Variants in UBXN11 observed in about 807,000 individuals in gnomAD.
The protein encoded by UBXN11 is UBX domain protein 11, also known as UBX domain-containing protein 11.
Under a neutral mutation model 62.8 loss-of-function variants are expected in UBXN11, and 47 were observed. The ratio of observed to expected loss-of-function variants is 0.75; its 90% CI spans 0.59 to 0.95. UBXN11 has a LOEUF of 0.95. Ranked by LOEUF, UBXN11 falls within the 40% of genes least tolerant of loss-of-function variation. The pLI is 0.00. For missense variants in UBXN11, 638 were observed against 661.7 expected, an observed-to-expected ratio of 0.96 and a Z score of 0.39; for synonymous variants, 294 against 267.0, an observed-to-expected ratio of 1.10 and a Z score of -0.99.
intron 1 of UBXN11, among the ~76,000 whole-genome samples, chr1:26,317,307 C>A (rs1411566847): frequency 6.6e-6 from 1 of 152,120 alleles, no homozygotes; most frequent in Non-Finnish European, 1.5e-5. Flanking sequence ...TTTCAGTCTT[C>A]CCAGTTCCTT....
chr1:26,292,679 C>T (rs1036349403), intron 8 of UBXN11, among the ~76,000 whole-genome samples: 4 of 151,892 alleles, frequency 2.6e-5, no homozygotes, highest in African/African-American at 7.3e-5. Flanking sequence ...CATGGCGAAA[C>T]GCTGTCTCTA....
Position 26,300,997 on chromosome 1 carries a change from C to A in UBXN11, c.128G>T (p.Gly43Val). The change falls in exon 4 of 15, where the codon GGG (glycine) becomes GTG (valine). Residue 43 changes from glycine to valine, a missense_variant. Gly to Val is a moderately radical substitution (Grantham distance 109). Transcript: ENST00000374222. ...DEDEVDMLSD[G>V]CGSEEKISVP... ...TGAGATCTTTTCTTCTGAGCCACAC[C>A]CATCACTCAACATGTCCACCTCATC... is the stretch of plus-strand genomic sequence containing the variant. 6.2e-7 allele frequency: 1 copy of A among 1,614,208 alleles called. No individual in the cohort carries two copies. The highest frequency in any genetic ancestry group is 2.2e-5 in the East Asian group (1 of 44,884).
intron 4 of UBXN11, among the ~76,000 whole-genome samples, chr1:26,300,308 G>A (rs1021478939): frequency 3.3e-5 from 5 of 152,180 alleles, no homozygotes; most frequent in Non-Finnish European, 7.4e-5. Flanking sequence ...ACTTCACAGA[G>A]GAGGCCTCAG....
At chr1:26,288,574 G>C (rs1292302822) in intron 8 of UBXN11, among the ~76,000 whole-genome samples, 1 of 152,218 alleles carries the variant, frequency 6.6e-6, no homozygotes, top group Non-Finnish European at 1.5e-5. Context: ...ACCCGTGGAT[G>C]GAGAGAGGTG....
intron 8 of UBXN11, among the ~76,000 whole-genome samples, chr1:26,289,852 CAA>C (rs2073218096): frequency 6.6e-6 from 1 of 152,208 alleles, no homozygotes; most frequent in Non-Finnish European, 1.5e-5. Flanking sequence ...GACCCTCAGG[CAA>C]AGACGGCTGC....
rs1163207554 is a variant in UBXN11, at chr1:26,293,724, C to CAAAAAAAAA, written c.559+472_559+480dup. 1.1e-3 allele frequency among the ~76,000 whole-genome samples: 30 copies of CAAAAAAAAA among 26,934 alleles called. 5 individuals are homozygous for CAAAAAAAAA. Among genetic ancestry groups the CAAAAAAAAA allele is most frequent in the Non-Finnish European group, 1.4e-3 (23 of 16,790 alleles). The allele number at this position is 26,934 out of a possible 152,430, so 17.7% of individuals were successfully genotyped here. ...TGGGTGACAGAGCAAGACTCCGTCTCAAAAAAAAAAAAAAAAAAAAAAAAA... is the reference window on the plus strand; with the variant it reads ...TGGGTGACAGAGCAAGACTCCGTCTCAAAAAAAAAAAAAAAAAAAAAAAAAAAAAAAAAA... On this transcript the variant is annotated intron_variant, in intron 8 of 14. Coordinates refer to ENST00000374222, the MANE Select transcript of UBXN11 (RefSeq NM_001389556.1).
At position 26,294,248 on chromosome 1, in the gene UBXN11, A is replaced by G. The variant is rs942792515; in HGVS notation, c.516T>C (p.His172=). The G allele has an allele frequency of 1.9e-6, 3 of 1,614,052 alleles. No homozygotes were observed. Among genetic ancestry groups the G allele is most frequent in the African/African-American group, 2.7e-5 (2 of 74,944 alleles). The change falls in exon 8 of 15, where the codon CAT becomes CAC. Residue 172 remains histidine (H), a synonymous_variant. Coordinates refer to ENST00000374222, the MANE Select transcript of UBXN11 (RefSeq NM_001389556.1). ...EDSESKTVSE[H]GERDWMTAKK... is the part of the protein sequence containing the mutation. ...TGGCTGTCATCCAGTCCCTCTCGCC[A>G]TGCTCTGAGACTGTCTTGCTCTCTG...
At chr1:26,311,030 C>A (rs969034525), upstream of UBXN11, among the ~76,000 whole-genome samples, 1 of 152,062 alleles carries the variant, frequency 6.6e-6, no homozygotes, top group Non-Finnish European at 1.5e-5. Flanking sequence ...AAGGCCCTGG[C>A]CTGGGAGGAG....
intron 2 of UBXN11, among the ~76,000 whole-genome samples, chr1:26,302,535 T>C (rs1489418328): frequency 6.6e-6 from 1 of 152,136 alleles, no homozygotes; most frequent in Admixed American, 6.5e-5. Flanking sequence ...AGACCATCTG[T>C]GTTTGCAGAA....
chr1:26,314,371 A>G (rs1229495256), intron 1 of UBXN11, among the ~76,000 whole-genome samples: 2 of 152,176 alleles, frequency 1.3e-5, no homozygotes, highest in Non-Finnish European at 2.9e-5. Context: ...CTAGAACTAT[A>G]GTTTTTCTCC....
chr1:26,285,236 C>T (rs1026137684), intron 10 of UBXN11: 6 of 1,320,724 alleles, frequency 4.5e-6, no homozygotes, highest in Middle Eastern at 2.9e-4. Context: ...GCCCCGCAGC[C>T]GAGGCTGTCT....
rs375717967 is a variant in UBXN11, at chr1:26,282,850, C to A, written c.1151+14G>T. The A allele has an allele frequency of 5.0e-6, 8 of 1,613,634 alleles. No homozygotes were observed. Among genetic ancestry groups the A allele is most frequent in the Non-Finnish European group, 6.8e-6 (8 of 1,179,542 alleles). Reference sequence around the variant, plus strand: ...CAACGCCCCCAGGCCCTCACCTCCTCATCCCGCCCTCACCTCTCTCGCTCA... The same window carrying A: ...CAACGCCCCCAGGCCCTCACCTCCTAATCCCGCCCTCACCTCTCTCGCTCA... On this transcript the variant is annotated intron_variant, in intron 13 of 14. Coordinates refer to ENST00000374222, the MANE Select transcript of UBXN11 (RefSeq NM_001389556.1).
At position 26,282,504 on chromosome 1, in the gene UBXN11, G is replaced by A. The variant is rs989640076; in HGVS notation, c.1358C>T (p.Thr453Ile). 1.2e-6 allele frequency: 2 copies of A among 1,602,106 alleles called. No homozygotes were observed. Among genetic ancestry groups the A allele is most frequent in the Non-Finnish European group, 1.7e-6 (2 of 1,172,428 alleles). Residue 453 changes from threonine to isoleucine, a missense_variant, in exon 15 of 15, where the codon ACA (threonine) becomes ATA (isoleucine). Transcript: ENST00000374222. ...TFPPTLYQDD[T>I]LTLQAAGLVP... Reference sequence around the variant, plus strand: ...AAGGCCTGCAGCCTGCAGCGTGAGTGTATCGTCCTGGTAGAGGGTGGGCGG... The same window carrying A: ...AAGGCCTGCAGCCTGCAGCGTGAGTATATCGTCCTGGTAGAGGGTGGGCGG...
upstream of UBXN11, among the ~76,000 whole-genome samples, chr1:26,309,560 T>A (rs1400787608): frequency 6.6e-6 from 1 of 152,092 alleles, no homozygotes; most frequent in Non-Finnish European, 1.5e-5. Context: ...TTTAAAAAAA[T>A]AACATTTATT....
chr1:26,298,352 A>C (rs1011621401), intron 4 of UBXN11, among the ~76,000 whole-genome samples: 6 of 152,224 alleles, frequency 3.9e-5, no homozygotes, highest in African/African-American at 1.4e-4. Flanking sequence ...ATCACCCTGA[A>C]GCATTGCCAA....
At chr1:26,306,410 C>G (rs1273029439) in intron 1 of UBXN11, 182 bp downstream of exon 1, 3 of 152,302 alleles carry the variant, frequency 2.0e-5, no homozygotes, top group Non-Finnish European at 4.4e-5. Flanking sequence ...CAGGGAGCGA[C>G]GTCTATCACG....
intron 2 of UBXN11, among the ~76,000 whole-genome samples, chr1:26,302,589 T>C (rs1405438939): frequency 2.0e-5 from 3 of 152,100 alleles, no homozygotes; most frequent in African/African-American, 7.2e-5. Flanking sequence ...GCCAAGCCAC[T>C]CCTACAGGGC....
chr1:26,285,125 C>T (rs1211436183), intron 10 of UBXN11: 4 of 1,094,152 alleles, frequency 3.7e-6, no homozygotes, highest in Non-Finnish European at 4.5e-6. Flanking sequence ...TCCCACCCTA[C>T]CCAGATAGCT....
intron 5 of UBXN11, 152 bp from the exon 6 acceptor site, chr1:26,297,633 AC>A: frequency 1.0e-6 from 1 of 1,002,722 alleles, no homozygotes; most frequent in African/African-American, 1.6e-5. Flanking sequence ...ACCTCAGATA[AC>A]CCTCGCAGTT....
Sources: allele counts gnomAD v4.1 joint callset (sites outside exome capture counted in the v4.1 genomes callset), GRCh38; gene constraint gnomAD v4.1.1; transcripts MANE v1.5; gene names NCBI Gene and HGNC (gene_info 2026-07-23, HGNC 2026-07-21).